PPP2R2B: variants seen among roughly 807,000 people sequenced by gnomAD.
The protein encoded by PPP2R2B is protein phosphatase 2 regulatory subunit Bbeta, also known as serine/threonine-protein phosphatase 2A 55 kDa regulatory subunit B beta isoform.
Under a neutral mutation model 46.0 loss-of-function variants are expected in PPP2R2B, and 5 were observed. The ratio of observed to expected loss-of-function variants is 0.11; its 90% CI spans 0.06 to 0.23. PPP2R2B has a LOEUF of 0.23. Among genes scored for constraint, PPP2R2B ranks in the 10% least tolerant of loss-of-function variants. The probability of loss-of-function intolerance (pLI) is 1.00; values close to 1 mark genes in which losing one functional copy is unlikely to be tolerated. For synonymous variants in PPP2R2B, 215 were observed against 206.7 expected (o/e 1.04, Z -0.34); for missense variants, 367 against 575.0 (o/e 0.64, Z 3.70).
chr5:146,798,316 C>A (rs983711852), intron 2 of PPP2R2B, among the ~76,000 whole-genome samples: 11 of 152,164 alleles, frequency 7.2e-5, no homozygotes, highest in Non-Finnish European at 1.0e-4. Flanking sequence ...CCTGCCTTAA[C>A]CCTGACTTCC....
intron 1 of PPP2R2B, among the ~76,000 whole-genome samples, chr5:146,983,715 A>C (rs974067591): frequency 6.6e-6 from 1 of 152,110 alleles, no homozygotes; most frequent in East Asian, 1.9e-4. Flanking sequence ...TCAATTGTTA[A>C]ATATAATTTA....
intron 2 of PPP2R2B, among the ~76,000 whole-genome samples, chr5:146,734,653 C>G (rs1425575465): frequency 2.6e-5 from 4 of 152,168 alleles, no homozygotes; most frequent in African/African-American, 4.8e-5. Context: ...CTCTCCCACT[C>G]TGTCTGTCCT....
chr5:147,014,221 G>A (rs200983478), intron 1 of PPP2R2B, among the ~76,000 whole-genome samples: 55,787 of 116,022 alleles, frequency 0.48, 14,225 homozygotes, highest in Middle Eastern at 0.58. Context: ...GCAATCATTA[G>A]AAAGTCAGGA....
chr5:146,588,622 G>A lies in PPP2R2B; in HGVS notation c.*1325C>T, dbSNP rs1413028250. ...TGCATGCATTTAGTGCCTTTCCTAG[G>A]GGTGTGCCACATAGAACCTTCTGGA... On this transcript the variant is annotated 3_prime_UTR_variant, in exon 10 of 10. Transcript: ENST00000394411. The A allele has an allele frequency of 1.3e-5, 2 of 152,194 alleles. No homozygotes were observed. Among genetic ancestry groups the A allele is most frequent in the East Asian group, 3.9e-4 (2 of 5,172 alleles). 9.4% of individuals were successfully genotyped at this position (152,194 alleles called of 1,614,324 possible).
intron 5 of PPP2R2B, among the ~76,000 whole-genome samples, chr5:146,662,507 C>T (rs900194672): frequency 2.6e-5 from 4 of 152,126 alleles, no homozygotes; most frequent in Admixed American, 1.3e-4. Flanking sequence ...CTCTTTTGCC[C>T]TTCTGCTTCT....
intron 1 of PPP2R2B, among the ~76,000 whole-genome samples, chr5:146,948,179 A>T (rs997195184): frequency 1.3e-5 from 2 of 151,936 alleles, no homozygotes; most frequent in African/African-American, 4.8e-5. Flanking sequence ...AAGACTGGGG[A>T]CTATGTTTAT....
Position 146,756,563 on chromosome 5 carries a change from G to C in PPP2R2B, c.71-55421C>G, listed in dbSNP as rs142785050. ...AAAGTTAAAAGGTAGCCTCTGGGAT[G>C]CCTGGGTTTGAATCCTAGCTCTGTC... On this transcript the variant is annotated intron_variant, in intron 2 of 9. Coordinates refer to ENST00000394411, the MANE Select transcript of PPP2R2B (RefSeq NM_181675.4). 4.9e-3 allele frequency among the ~76,000 whole-genome samples: 752 copies of C among 152,300 alleles called. 7 individuals carry two copies. The highest frequency in any genetic ancestry group is 0.017 in the African/African-American group (712 of 41,566).
intron 2 of PPP2R2B, among the ~76,000 whole-genome samples, chr5:146,749,494 C>A (rs952797831): frequency 1.3e-5 from 2 of 151,978 alleles, no homozygotes; most frequent in Non-Finnish European, 2.9e-5. Context: ...TAGCCTAGAT[C>A]ACAGTGCATG....
upstream of PPP2R2B, among the ~76,000 whole-genome samples, chr5:146,883,141 G>C (rs1432553082): frequency 1.3e-5 from 2 of 152,206 alleles, no homozygotes; most frequent in Non-Finnish European, 2.9e-5. Flanking sequence ...GTCCTGGTTT[G>C]TGTCCCAGCT....
intron 2 of PPP2R2B, among the ~76,000 whole-genome samples, chr5:146,743,544 T>C (rs759309236): frequency 1.3e-5 from 2 of 152,242 alleles, no homozygotes; most frequent in Non-Finnish European, 2.9e-5. Flanking sequence ...TTTTTACTTC[T>C]GGACTAAATG....
intron 1 of PPP2R2B, among the ~76,000 whole-genome samples, chr5:147,007,204 C>T (rs1038564350): frequency 6.6e-6 from 1 of 152,152 alleles, no homozygotes; most frequent in African/African-American, 2.4e-5. Context: ...AGGGCCCCTT[C>T]TTCACCCCTG....
intron 1 of PPP2R2B, among the ~76,000 whole-genome samples, chr5:146,906,534 C>T (rs559396521): frequency 2.6e-5 from 4 of 152,296 alleles, no homozygotes; most frequent in African/African-American, 9.6e-5. Flanking sequence ...ATTGGTCAGA[C>T]TGATCTCGAA....
At chr5:146,727,987 T>C (rs1001990418) in intron 2 of PPP2R2B, among the ~76,000 whole-genome samples, 4 of 152,192 alleles carry the variant, frequency 2.6e-5, no homozygotes, top group Admixed American at 2.0e-4. Context: ...TGTGCTTGGA[T>C]GGAGTTTAAA....
In PPP2R2B at chr5:146,771,130, ATCTT is replaced by A. The variant is rs1754828700; in HGVS notation, c.71-69992_71-69989del. Among the ~76,000 whole-genome samples, 3 of 152,262 alleles carry A rather than the reference ATCTT, an allele frequency of 2.0e-5. No individual in the cohort carries two copies. The South Asian group carries it at 6.2e-4, about 32-fold the overall frequency. ...TCAGATGGGAGAAGGAGGAGGATAT[ATCTT>A]TATATCTTAGACCCAAAGCTCCCAG... On this transcript the variant is annotated intron_variant, in intron 2 of 9. Coordinates refer to ENST00000394411, the MANE Select transcript of PPP2R2B (RefSeq NM_181675.4).
At position 147,077,281 on chromosome 5, in the gene PPP2R2B, C is replaced by T. The variant is rs1227096288; in HGVS notation, c.50+3778G>A. ...ACATATATGTATGTGTGTATACACA[C>T]ACACACACACACACACACACACACA... On this transcript the variant is annotated intron_variant, in intron 2 of 10. Coordinates refer to the PPP2R2B transcript ENST00000394413. Among the ~76,000 whole-genome samples the T allele has an allele frequency of 3.4e-3, 457 of 135,144 alleles. 3 individuals carry two copies. The highest frequency in any genetic ancestry group is 0.011 in the African/African-American group (418 of 36,486). 88.7% of individuals were successfully genotyped at this position (135,144 alleles called of 152,430 possible). A position where few individuals can be genotyped will look rare whatever the true frequency, so the allele number is the denominator to read the frequency against.
rs528471785 is a variant in PPP2R2B at position 146,945,789 on chromosome 5, A to G, written c.79+109876T>C. Among the ~76,000 whole-genome samples the G allele has an allele frequency of 8.8e-4, 134 of 152,314 alleles. 2 individuals are homozygous for G. Among genetic ancestry groups the G allele is most frequent in the African/African-American group, 3.1e-3 (129 of 41,576 alleles). On this transcript the variant is annotated intron_variant, in intron 1 of 8. Coordinates refer to the PPP2R2B transcript ENST00000336640. The stretch of plus-strand genomic sequence containing the variant: ...AGACAGAAAATCATTGTGTAAGGCA[A>G]TTCGATTTGAGAAAGAATGTTACTG...
At chr5:146,644,356 G>A (rs527367322) in intron 6 of PPP2R2B, among the ~76,000 whole-genome samples, 4 of 149,932 alleles carry the variant, frequency 2.7e-5, no homozygotes, top group Non-Finnish European at 5.9e-5. Flanking sequence ...AACCCACATT[G>A]TTGAATTAGC....
chr5:146,720,671 ACAG>A (rs1780744653), intron 2 of PPP2R2B, among the ~76,000 whole-genome samples: 1 of 152,208 alleles, frequency 6.6e-6, no homozygotes, highest in East Asian at 1.9e-4. Context: ...CTAAGGACTT[ACAG>A]ATATTTATTA....
chr5:146,758,798 A>G (rs1046936391), intron 2 of PPP2R2B, among the ~76,000 whole-genome samples: 3 of 152,216 alleles, frequency 2.0e-5, no homozygotes, highest in Non-Finnish European at 1.5e-5. Context: ...AATCCTGAGC[A>G]ACAGAAAAAT....
Sources: gnomAD v4.1 joint callset for allele counts (sites outside exome capture counted in the v4.1 genomes callset) on GRCh38, gnomAD v4.1.1 for gene constraint, MANE v1.5 for transcripts, NCBI Gene and HGNC (gene_info 2026-07-23, HGNC 2026-07-21) for gene names.